PTPRD: variants seen among roughly 807,000 people sequenced by gnomAD.
PTPRD encodes the protein receptor-type tyrosine-protein phosphatase delta.
In PTPRD, 34 loss-of-function variants were observed where a neutral mutation model predicts 214.5. The ratio of observed to expected loss-of-function variants is 0.16; its 90% CI spans 0.12 to 0.21. The LOEUF (loss-of-function observed/expected upper bound fraction) is 0.21, where lower values mean the gene tolerates loss of function less well. Ranked by LOEUF, PTPRD falls within the 10% of genes least tolerant of loss-of-function variation. The probability of loss-of-function intolerance (pLI) is 1.00; values close to 1 mark genes in which losing one functional copy is unlikely to be tolerated. For synonymous variants in PTPRD, 1,128 were observed against 845.7 expected (o/e 1.33, Z -5.79); for missense variants, 2,545 against 2,398.7 (o/e 1.06, Z -1.27).
At chr9:8,905,112 A>C (rs1192465111) in intron 11 of PTPRD, among the ~76,000 whole-genome samples, 1 of 152,222 alleles carries the variant, frequency 6.6e-6, no homozygotes, top group Non-Finnish European at 1.5e-5. Context: ...CATTCTCACC[A>C]GTCATCTCTG....
At chr9:9,430,138 T>A (rs1362736457) in intron 8 of PTPRD, among the ~76,000 whole-genome samples, 1 of 152,184 alleles carries the variant, frequency 6.6e-6, no homozygotes, top group African/African-American at 2.4e-5. Context: ...GACATGATTG[T>A]ATGTCTAGAT....
intron 7 of PTPRD, among the ~76,000 whole-genome samples, chr9:9,625,557 T>C (rs2095399115): frequency 6.6e-6 from 1 of 151,960 alleles, no homozygotes; most frequent in Non-Finnish European, 1.5e-5. Flanking sequence ...TCCTCTATTT[T>C]TTTTTTTTTT....
In PTPRD at chr9:10,469,694, G is replaced by T. The variant is rs76313872; in HGVS notation, c.-599-128677C>A. Among the ~76,000 whole-genome samples, 881 of 152,148 alleles carry T rather than the reference G, an allele frequency of 5.8e-3. 15 individuals carry two copies. The highest frequency in any genetic ancestry group is 0.02 in the African/African-American group (823 of 41,528). On this transcript the variant is annotated intron_variant, in intron 2 of 45. Transcript: ENST00000381196. The stretch of plus-strand genomic sequence containing the variant: ...AAAGAAAGAAAAACTGCATATAAAA[G>T]AGTTGTGTGCACTCCCACGTTTATC...
At chr9:10,187,472 G>C (rs2099341991) in intron 3 of PTPRD, among the ~76,000 whole-genome samples, 1 of 152,178 alleles carries the variant, frequency 6.6e-6, no homozygotes, top group South Asian at 2.1e-4. Flanking sequence ...CTGGAGTTTA[G>C]TGATTCTTTC....
intron 11 of PTPRD, among the ~76,000 whole-genome samples, chr9:8,893,852 T>C (rs913964619): frequency 2.0e-5 from 3 of 152,110 alleles, no homozygotes; most frequent in African/African-American, 4.8e-5. Flanking sequence ...CGCTGTAGAA[T>C]GGTATGAATG....
intron 39 of PTPRD, among the ~76,000 whole-genome samples, chr9:8,365,757 C>T (rs1220102280): frequency 1.3e-5 from 2 of 152,082 alleles, no homozygotes; most frequent in African/African-American, 2.4e-5. Context: ...CTCAAAAGGC[C>T]TTGTAGCTTC....
At chr9:10,292,116 C>A (rs2095544283) in intron 3 of PTPRD, among the ~76,000 whole-genome samples, 1 of 152,020 alleles carries the variant, frequency 6.6e-6, no homozygotes, top group South Asian at 2.1e-4. Context: ...GTAAATCATT[C>A]ATCGTAATTT....
intron 14 of PTPRD, among the ~76,000 whole-genome samples, chr9:8,597,299 G>A (rs1043038786): frequency 1.3e-5 from 2 of 152,012 alleles, no homozygotes; most frequent in African/African-American, 4.8e-5. Context: ...ACAAGAATAA[G>A]ATTGAAATAT....
intron 5 of PTPRD, among the ~76,000 whole-genome samples, chr9:9,888,760 C>T (rs753699521): frequency 2.0e-5 from 3 of 152,000 alleles, no homozygotes; most frequent in Non-Finnish European, 2.9e-5. Flanking sequence ...TGTAAATTGC[C>T]CAGCCTCAAG....
chr9:10,337,406 T>C (rs1207991987), intron 3 of PTPRD, among the ~76,000 whole-genome samples: 3 of 151,736 alleles, frequency 2.0e-5, no homozygotes, highest in East Asian at 1.9e-4. Context: ...CAAAGAATCA[T>C]ATCTATCTCT....
chr9:10,250,701 G>A (rs1214049089), intron 3 of PTPRD, among the ~76,000 whole-genome samples: 1 of 151,854 alleles, frequency 6.6e-6, no homozygotes, highest in Non-Finnish European at 1.5e-5. Context: ...GGAACTATAG[G>A]CTATATGTTG....
At chr9:10,216,920 C>G (rs954177094) in intron 3 of PTPRD, among the ~76,000 whole-genome samples, 1 of 151,924 alleles carries the variant, frequency 6.6e-6, no homozygotes, top group Non-Finnish European at 1.5e-5. Context: ...CTAGTGGTAG[C>G]TTTCTGTTCA....
At chr9:9,074,483 A>C (rs2099748142) in intron 10 of PTPRD, among the ~76,000 whole-genome samples, 1 of 152,124 alleles carries the variant, frequency 6.6e-6, no homozygotes, top group Non-Finnish European at 1.5e-5. Flanking sequence ...AGTGATCAAA[A>C]TTGAGACTTG....
At chr9:9,845,895 A>G (rs546839867) in intron 5 of PTPRD, among the ~76,000 whole-genome samples, 2 of 152,058 alleles carry the variant, frequency 1.3e-5, no homozygotes, top group Non-Finnish European at 2.9e-5. Context: ...TGTCCAGAGG[A>G]AGTTAATGAC....
At chr9:8,984,039 T>A (rs1280957792) in intron 11 of PTPRD, among the ~76,000 whole-genome samples, 1 of 152,126 alleles carries the variant, frequency 6.6e-6, no homozygotes, top group African/African-American at 2.4e-5. Context: ...TACTATAACG[T>A]ATATTTAGTA....
chr9:8,697,074 G>A (rs1226446611), intron 12 of PTPRD, among the ~76,000 whole-genome samples: 2 of 152,168 alleles, frequency 1.3e-5, no homozygotes, highest in African/African-American at 4.8e-5. Context: ...CACTAAATAA[G>A]CACAAGTCTG....
At chr9:9,710,859 A>G (rs1048865981) in intron 7 of PTPRD, among the ~76,000 whole-genome samples, 1 of 152,130 alleles carries the variant, frequency 6.6e-6, no homozygotes, top group South Asian at 2.1e-4. Flanking sequence ...AATATTGATG[A>G]GAAGAAGACA....
At chr9:9,659,467 C>T (rs2096581823) in intron 7 of PTPRD, among the ~76,000 whole-genome samples, 2 of 151,952 alleles carry the variant, frequency 1.3e-5, no homozygotes, top group Admixed American at 1.3e-4. Context: ...AACCTTAACG[C>T]CAGGGCTATA....
Position 9,432,834 on chromosome 9 carries a change from A to G in PTPRD, c.-236-35352T>C, listed in dbSNP as rs138546255. ...TTTCTTATATTTCCTGTGGCATAAC[A>G]AAGAAAGGATTACAGCCAACACTGA... On this transcript the variant is annotated intron_variant, in intron 8 of 45. Transcript: ENST00000381196. Among the ~76,000 whole-genome samples the G allele has an allele frequency of 5.9e-5, 9 of 152,328 alleles. No individual in the cohort carries two copies. In the East Asian group the frequency reaches 1.7e-3, roughly 29 times the overall value.
Sources: allele counts gnomAD v4.1 joint callset (sites outside exome capture counted in the v4.1 genomes callset), GRCh38; gene constraint gnomAD v4.1.1; transcripts MANE v1.5; gene names NCBI Gene and HGNC (gene_info 2026-07-23, HGNC 2026-07-21).